The following CDK14 variants were observed in gnomAD, a reference collection of about 807,000 sequenced individuals.
CDK14 encodes cyclin-dependent kinase 14.
In CDK14, 34 loss-of-function variants were observed where a neutral mutation model predicts 60.7. The observed-to-expected ratio is 0.56, with a 90% CI of 0.43 to 0.75. The LOEUF is 0.75. Among genes scored for constraint, CDK14 ranks in the 30% least tolerant of loss-of-function variants. The pLI, the probability that CDK14 is intolerant of heterozygous loss-of-function variation, is 0.00. For synonymous variants in CDK14, 197 were observed against 203.7 expected (o/e 0.97, Z 0.28); for missense variants, 482 against 564.1 (o/e 0.85, Z 1.47).
chr7:90,658,070 A>G (rs764466268), intron 2 of CDK14, among the ~76,000 whole-genome samples: 5 of 152,182 alleles, frequency 3.3e-5, no homozygotes, highest in Non-Finnish European at 7.3e-5. Flanking sequence ...TCATCACCCT[A>G]AAATGAAACC....
chr7:90,879,682 A>G (rs1791677794), intron 6 of CDK14, among the ~76,000 whole-genome samples: 1 of 152,186 alleles, frequency 6.6e-6, no homozygotes, highest in African/African-American at 2.4e-5. Flanking sequence ...AACATGGCAC[A>G]TGTATACCTA....
chr7:90,695,575 C>T (rs1182025222), intron 2 of CDK14, among the ~76,000 whole-genome samples: 2 of 151,976 alleles, frequency 1.3e-5, no homozygotes, highest in Non-Finnish European at 2.9e-5. Context: ...AGATAATAAA[C>T]GGATATGACC....
At chr7:90,912,349 T>A (rs994808163) in intron 7 of CDK14, among the ~76,000 whole-genome samples, 1 of 152,224 alleles carries the variant, frequency 6.6e-6, no homozygotes, top group Non-Finnish European at 1.5e-5. Context: ...TTGAGGCTTT[T>A]ACAAACTTTG....
intron 13 of CDK14, 134 bp downstream of exon 13, chr7:91,112,815 C>A: frequency 2.3e-6 from 2 of 858,298 alleles, no homozygotes; most frequent in Non-Finnish European, 3.6e-6. Context: ...TTTGTATGTG[C>A]ATTACAGGTG....
At chr7:91,056,276 C>T (rs966026458) in intron 11 of CDK14, among the ~76,000 whole-genome samples, 5 of 152,056 alleles carry the variant, frequency 3.3e-5, no homozygotes, top group Non-Finnish European at 7.4e-5. Flanking sequence ...ATGAGAGATT[C>T]GTGACTAAGT....
At chr7:91,040,670 G>A (rs1797063681) in intron 10 of CDK14, among the ~76,000 whole-genome samples, 1 of 152,192 alleles carries the variant, frequency 6.6e-6, no homozygotes, top group Admixed American at 6.5e-5. Flanking sequence ...ACTTGTGTGA[G>A]CCAGTTTTGT....
At chr7:91,070,879 C>G (rs1478839070) in intron 11 of CDK14, among the ~76,000 whole-genome samples, 2 of 150,826 alleles carry the variant, frequency 1.3e-5, no homozygotes, top group African/African-American at 4.9e-5. Flanking sequence ...TAAGAAGAGC[C>G]ACTCTAATTA....
intron 2 of CDK14, among the ~76,000 whole-genome samples, chr7:90,702,297 C>T (rs1156468641): frequency 2.6e-5 from 4 of 152,140 alleles, no homozygotes; most frequent in Admixed American, 6.5e-5. Context: ...ACTATGTTAC[C>T]GAATACAAAA....
At chr7:91,047,529 C>T (rs2116034768) in intron 11 of CDK14, among the ~76,000 whole-genome samples, 1 of 152,280 alleles carries the variant, frequency 6.6e-6, no homozygotes, top group Admixed American at 6.5e-5. Context: ...GTGTGTTGCA[C>T]TTGATCGTAT....
chr7:90,953,882 C>T (rs1036408776), intron 8 of CDK14, among the ~76,000 whole-genome samples: 14 of 152,122 alleles, frequency 9.2e-5, no homozygotes, highest in African/African-American at 3.4e-4. Context: ...TTACCAAGTT[C>T]TGGAGACACT....
chr7:91,190,638 C>A (rs1802331039), intron 14 of CDK14, among the ~76,000 whole-genome samples: 1 of 152,074 alleles, frequency 6.6e-6, no homozygotes, highest in Non-Finnish European at 1.5e-5. Context: ...TACAGGCATG[C>A]ACCACCATGC....
At chr7:90,971,153 G>GTT (rs5885750) in intron 9 of CDK14, among the ~76,000 whole-genome samples, 1 of 86,234 alleles carries the variant, frequency 1.2e-5, no homozygotes. Context: ...AGAACATGTG[G>GTT]TTTTTTTTTT....
chr7:90,620,339 G>T (rs1192811565), intron 2 of CDK14, among the ~76,000 whole-genome samples: 4 of 152,172 alleles, frequency 2.6e-5, no homozygotes, highest in African/African-American at 9.6e-5. Flanking sequence ...TGGATCGATT[G>T]ATTGGCACTG....
chr7:91,034,480 A>G (rs1261201913), intron 10 of CDK14, among the ~76,000 whole-genome samples: 2 of 151,680 alleles, frequency 1.3e-5, no homozygotes, highest in Non-Finnish European at 2.9e-5. Context: ...TTTTTTAAAA[A>G]CCCCTAAGAG....
intron 9 of CDK14, among the ~76,000 whole-genome samples, chr7:90,967,523 C>G (rs1004104392): frequency 6.6e-6 from 1 of 152,158 alleles, no homozygotes; most frequent in African/African-American, 2.4e-5. Context: ...CTCGTGACTG[C>G]TGCCATCTTA....
rs190455047 is a variant in CDK14 at position 90,977,601 on chromosome 7, G to A, written c.948-6547G>A. Among the ~76,000 whole-genome samples, 320 of 152,034 alleles carry A rather than the reference G, an allele frequency of 2.1e-3. 1 individual carries two copies. The highest frequency in any genetic ancestry group is 7.3e-3 in the African/African-American group (303 of 41,472). On this transcript the variant is annotated intron_variant, in intron 9 of 14. Coordinates refer to ENST00000380050, the MANE Select transcript of CDK14 (RefSeq NM_001287135.2). Reference sequence around the variant, plus strand: ...AAAAGACCATAAACATCAGTCTTACGGGAAATCATGACATGTCACTCATGA... The same window carrying A: ...AAAAGACCATAAACATCAGTCTTACAGGAAATCATGACATGTCACTCATGA...
At chr7:90,731,548 T>C (rs532026427) in intron 3 of CDK14, among the ~76,000 whole-genome samples, 2 of 152,330 alleles carry the variant, frequency 1.3e-5, no homozygotes, top group South Asian at 4.1e-4. Flanking sequence ...CTTGAAGAGG[T>C]CCTTCATATC....
chr7:90,600,491 G>A (rs188832958), intron 1 of CDK14, among the ~76,000 whole-genome samples: 12 of 152,294 alleles, frequency 7.9e-5, no homozygotes, highest in Admixed American at 4.6e-4. Flanking sequence ...CGATATTTGA[G>A]ATGAACACCA....
chr7:90,790,507 G>A (rs1186561543), intron 4 of CDK14, 66 bp from the exon 5 acceptor site: 2 of 989,730 alleles, frequency 2.0e-6, no homozygotes, highest in African/African-American at 1.6e-5. Context: ...TAAATTATAA[G>A]GAAGACAATT....
Sources: gnomAD v4.1 joint callset for allele counts (sites outside exome capture counted in the v4.1 genomes callset) on GRCh38, gnomAD v4.1.1 for gene constraint, MANE v1.5 for transcripts, NCBI Gene and HGNC (gene_info 2026-07-23, HGNC 2026-07-21) for gene names.